SLC4A10: variants seen among roughly 807,000 people sequenced by gnomAD.
SLC4A10 encodes the protein solute carrier family 4 member 10.
In SLC4A10, 42 loss-of-function variants were observed where a neutral mutation model predicts 137.7. The observed-to-expected ratio is 0.30, with a 90% confidence interval of 0.24 to 0.39. The LOEUF (loss-of-function observed/expected upper bound fraction) is 0.39. Ranked by LOEUF, SLC4A10 falls within the 10% of genes least tolerant of loss-of-function variation. The pLI, the probability that SLC4A10 is intolerant of heterozygous loss-of-function variation, is 1.00. For missense variants in SLC4A10, 925 were observed against 1,355.0 expected (o/e 0.68, Z 4.98); for synonymous variants, 474 against 464.1 (o/e 1.02, Z -0.27).
chr2:161,958,626 C>G, intron 21 of SLC4A10, 71 bp downstream of exon 21: 1 of 1,156,806 alleles, frequency 8.6e-7, no homozygotes, highest in Non-Finnish European at 1.2e-6. Flanking sequence ...AGTCATGTGA[C>G]AGCTGAGAAA....
At chr2:161,706,687 C>T (rs969717403) in intron 1 of SLC4A10, among the ~76,000 whole-genome samples, 41 of 151,498 alleles carry the variant, frequency 2.7e-4, no homozygotes, top group African/African-American at 7.7e-4. Context: ...TGGCTCCTGA[C>T]GCTTACCGTG....
chr2:161,730,638 T>G (rs2046728111), intron 1 of SLC4A10, among the ~76,000 whole-genome samples: 1 of 152,192 alleles, frequency 6.6e-6, no homozygotes, highest in African/African-American at 2.4e-5. Context: ...AAACAAAGGT[T>G]AGTTAGGTGT....
rs945839103 is a variant in SLC4A10, at chr2:161,728,495, A to G, written c.49-42478A>G. ...GGAGGCTGAGGTAGGAGATTGCTCA[A>G]ACCCGGGAAATGGAGGTTGCAGTGA... On this transcript the variant is annotated intron_variant, in intron 1 of 26. Coordinates refer to ENST00000446997, the MANE Select transcript of SLC4A10 (RefSeq NM_001178015.2). Among the ~76,000 whole-genome samples the G allele has an allele frequency of 2.6e-5, 4 of 152,070 alleles. No individual in the cohort carries two copies. The East Asian group carries it at 7.7e-4, about 29-fold the overall frequency.
chr2:161,630,940 A>G (rs774242979), intron 1 of SLC4A10, among the ~76,000 whole-genome samples: 16 of 151,900 alleles, frequency 1.1e-4, no homozygotes, highest in Admixed American at 7.2e-4. Flanking sequence ...CGCTAATTAA[A>G]CAATAAAAAA....
chr2:161,776,664 A>G (rs2052375287), intron 2 of SLC4A10, among the ~76,000 whole-genome samples: 1 of 151,908 alleles, frequency 6.6e-6, no homozygotes, highest in Non-Finnish European at 1.5e-5. Flanking sequence ...TAGATGTGCA[A>G]ATATCTCTTT....
chr2:161,885,808 A>C (rs1039957829), intron 10 of SLC4A10, among the ~76,000 whole-genome samples: 59 of 152,346 alleles, frequency 3.9e-4, no homozygotes, highest in African/African-American at 1.3e-3. Flanking sequence ...GAATTCATTT[A>C]AAAATAATAA....
chr2:161,964,764 C>T (rs970360131), intron 22 of SLC4A10, among the ~76,000 whole-genome samples: 2 of 152,010 alleles, frequency 1.3e-5, no homozygotes, highest in African/African-American at 2.4e-5. Flanking sequence ...CTATTAACTA[C>T]ATGTATTTAA....
In SLC4A10 at chr2:161,921,565, G is replaced by A. The variant is rs147175377; in HGVS notation, c.1997+15678G>A. Among the ~76,000 whole-genome samples, 1,198 of 152,338 alleles carry A rather than the reference G, an allele frequency of 7.9e-3. 6 individuals carry two copies. Among genetic ancestry groups the A allele is most frequent in the Middle Eastern group, 0.048 (14 of 294 alleles). On this transcript the variant is annotated intron_variant, in intron 15 of 26. Transcript: ENST00000446997. ...TGAAAAACAAAAATTATCCAGGATT[G>A]ATTCACTTGTTCAACAAGTAATTGT...
intron 2 of SLC4A10, among the ~76,000 whole-genome samples, chr2:161,775,335 G>T (rs907230619): frequency 6.6e-6 from 1 of 151,758 alleles, no homozygotes; most frequent in Non-Finnish European, 1.5e-5. Flanking sequence ...GGAGTACCAG[G>T]GGTAGTTACC....
At chr2:161,729,142 A>G (rs1207824596) in intron 1 of SLC4A10, among the ~76,000 whole-genome samples, 8 of 152,228 alleles carry the variant, frequency 5.3e-5, no homozygotes, top group Admixed American at 5.2e-4. Flanking sequence ...GAATAAGGCA[A>G]AGATGTCAAA....
In SLC4A10 at chr2:161,788,814, G is replaced by T. The variant is rs369420558; in HGVS notation, c.131-15635G>T. ...CCCACCTTTCATGCATGCCTAGGTG[G>T]CATTGGCTCACTTTCAATGAGGTGT... On this transcript the variant is annotated intron_variant, in intron 2 of 26. Transcript: ENST00000446997. Among the ~76,000 whole-genome samples the T allele has an allele frequency of 7.2e-5, 11 of 152,282 alleles. No individual in the cohort carries two copies. The East Asian group carries it at 2.1e-3, about 29-fold the overall frequency.
At chr2:161,924,494 A>G (rs573583842) in intron 15 of SLC4A10, among the ~76,000 whole-genome samples, 1 of 152,284 alleles carries the variant, frequency 6.6e-6, no homozygotes, top group East Asian at 1.9e-4. Flanking sequence ...GATTTTATAC[A>G]TATATAAATA....
At chr2:161,961,284 G>A (rs1696663246) in intron 21 of SLC4A10, among the ~76,000 whole-genome samples, 1 of 152,104 alleles carries the variant, frequency 6.6e-6, no homozygotes, top group Admixed American at 6.6e-5. Flanking sequence ...TGCCAGTCTG[G>A]GGGAAACTTA....
At chr2:161,912,581 G>A (rs1311973443) in intron 15 of SLC4A10, among the ~76,000 whole-genome samples, 2 of 152,108 alleles carry the variant, frequency 1.3e-5, no homozygotes, top group Non-Finnish European at 2.9e-5. Context: ...TGGGCAGCTA[G>A]TATTCTGATC....
At chr2:161,896,200 G>A (rs1192353079) in intron 11 of SLC4A10, among the ~76,000 whole-genome samples, 10 of 151,820 alleles carry the variant, frequency 6.6e-5, no homozygotes, top group Admixed American at 1.3e-4. Flanking sequence ...TTTTTGTCAG[G>A]TTTGTCAAAG....
intron 1 of SLC4A10, among the ~76,000 whole-genome samples, chr2:161,657,085 GC>G (rs1212422587): frequency 6.7e-6 from 1 of 149,680 alleles, no homozygotes; most frequent in African/African-American, 2.4e-5. Flanking sequence ...ATTGTAGCAA[GC>G]TTTAATAATA....
At chr2:161,677,114 G>A (rs1003426829) in intron 1 of SLC4A10, among the ~76,000 whole-genome samples, 6 of 152,104 alleles carry the variant, frequency 3.9e-5, no homozygotes, top group Non-Finnish European at 7.4e-5. Context: ...TGGCTTGGTA[G>A]CATTCTTGTG....
At chr2:161,650,393 A>G (rs2036621926) in intron 1 of SLC4A10, among the ~76,000 whole-genome samples, 1 of 152,248 alleles carries the variant, frequency 6.6e-6, no homozygotes, top group African/African-American at 2.4e-5. Flanking sequence ...CTGCTGCAGG[A>G]ACGCCAGCTG....
intron 1 of SLC4A10, among the ~76,000 whole-genome samples, chr2:161,672,149 A>T (rs549021146): frequency 6.6e-6 from 1 of 152,166 alleles, no homozygotes; most frequent in Non-Finnish European, 1.5e-5. Context: ...TTCATTAAAG[A>T]CCTGGTGGCT....
Sources: allele counts gnomAD v4.1 joint callset (sites outside exome capture counted in the v4.1 genomes callset), GRCh38; gene constraint gnomAD v4.1.1; transcripts MANE v1.5; gene names NCBI Gene and HGNC (gene_info 2026-07-23, HGNC 2026-07-21).